COL28A1: variants seen among roughly 807,000 people sequenced by gnomAD.
COL28A1 encodes collagen type XXVIII alpha 1 chain.
Under a neutral mutation model 150.2 loss-of-function variants are expected in COL28A1, and 161 were observed. The observed-to-expected ratio is 1.07, with a 90% CI of 0.94 to 1.22. The LOEUF is 1.22. Among genes scored for constraint, COL28A1 ranks in the 50% most tolerant of loss-of-function variants. The pLI, the probability that COL28A1 is intolerant of heterozygous loss-of-function variation, is 0.00. For missense variants in COL28A1, 1,617 were observed against 1,388.3 expected, an observed-to-expected ratio of 1.16 and a Z score of -2.62; for synonymous variants, 552 against 469.7, an observed-to-expected ratio of 1.18 and a Z score of -2.26.
rs1780443674 is a variant in COL28A1, at chr7:7,358,396, G to GC, written c.*236_*237insG. Reference sequence around the variant, plus strand: ...GCTCTAAGTCTAAATCCTCAGCTCTGAAACTTTTTAGTTGGGTGACAGTTG... The same window carrying GC: ...GCTCTAAGTCTAAATCCTCAGCTCTGCAAACTTTTTAGTTGGGTGACAGTTG... On this transcript the variant is annotated 3_prime_UTR_variant, in exon 35 of 35. Transcript: ENST00000399429. The GC allele has an allele frequency of 2.4e-6, 1 of 413,046 alleles. No individual in the cohort carries two copies. Among genetic ancestry groups the GC allele is most frequent in the African/African-American group, 2.1e-5 (1 of 48,724 alleles). The allele number at this position is 413,046 out of a possible 1,614,324, so 25.6% of individuals were successfully genotyped here.
At chr7:7,403,889 C>T (rs932501691) in intron 27 of COL28A1, among the ~76,000 whole-genome samples, 4 of 152,068 alleles carry the variant, frequency 2.6e-5, no homozygotes, top group African/African-American at 7.2e-5. Context: ...TTCCAGGTCT[C>T]AGCTTTTAGA....
At chr7:7,444,623 G>A in intron 18 of COL28A1, 134 bp from the exon 19 acceptor site, 1 of 810,004 alleles carries the variant, frequency 1.2e-6, no homozygotes, top group South Asian at 2.0e-5. Flanking sequence ...TAAACTATTT[G>A]ATCTTGGGAA....
chr7:7,530,406 A>G (rs958721106), intron 3 of COL28A1, among the ~76,000 whole-genome samples: 19 of 152,242 alleles, frequency 1.2e-4, no homozygotes, highest in African/African-American at 4.6e-4. Context: ...AGACAAAAGG[A>G]GCAAAACAAT....
In COL28A1 at chr7:7,419,776, GA is replaced by G. The variant is rs58623143; in HGVS notation, c.2067+108del. On this transcript the variant is annotated intron_variant, in intron 26 of 34. Transcript: ENST00000399429. ...AATAAGACGTTTCATCAGTCACCAA[GA>G]AAAAAATAAGTCAACACCAAGACGA... The G allele has an allele frequency of 8.3e-3, 4,759 of 572,838 alleles. 193 individuals are homozygous for G. Among genetic ancestry groups the G allele is most frequent in the African/African-American group, 0.082 (4,235 of 51,922 alleles). 35.5% of individuals were successfully genotyped at this position (572,838 alleles called of 1,614,324 possible). A position where few individuals can be genotyped will look rare whatever the true frequency, so the allele number is the denominator to read the frequency against.
intron 11 of COL28A1, among the ~76,000 whole-genome samples, chr7:7,502,462 C>G (rs1780587076): frequency 6.6e-6 from 1 of 152,022 alleles, no homozygotes; most frequent in Non-Finnish European, 1.5e-5. Flanking sequence ...TTCTGAAAAC[C>G]CTTTAATGAA....
At chr7:7,416,303 G>A (rs983733330) in intron 27 of COL28A1, among the ~76,000 whole-genome samples, 1 of 152,210 alleles carries the variant, frequency 6.6e-6, no homozygotes, top group Non-Finnish European at 1.5e-5. Context: ...TAACCCTGAG[G>A]GCATAAGGAG....
chr7:7,397,934 T>C (rs79472260), intron 27 of COL28A1, among the ~76,000 whole-genome samples: 4 of 152,254 alleles, frequency 2.6e-5, no homozygotes, highest in Non-Finnish European at 5.9e-5. Context: ...TAATTGGTCC[T>C]GTCATGAGAA....
intron 13 of COL28A1, among the ~76,000 whole-genome samples, chr7:7,478,807 C>T (rs540400340): frequency 3.3e-4 from 51 of 152,364 alleles, no homozygotes; most frequent in Non-Finnish European, 5.6e-4. Flanking sequence ...TCTCACTGCC[C>T]GGGGCGGCAG....
intron 3 of COL28A1, among the ~76,000 whole-genome samples, chr7:7,526,749 C>G (rs1583574275): frequency 6.6e-6 from 1 of 152,060 alleles, no homozygotes; most frequent in African/African-American, 2.4e-5. Flanking sequence ...AATTCTCCTG[C>G]CTCAGCCTCT....
rs746230622 is a variant in COL28A1, at chr7:7,373,591, C to T, written c.2360-45G>A. Reference sequence around the variant, plus strand: ...AGAGAAAAATTGTGGGAATGATTGACATCAGATTGTTGAGGGGAGGGGAGA... The same window carrying T: ...AGAGAAAAATTGTGGGAATGATTGATATCAGATTGTTGAGGGGAGGGGAGA... On this transcript the variant is annotated intron_variant, in intron 31 of 34. Coordinates refer to ENST00000399429, the MANE Select transcript of COL28A1 (RefSeq NM_001037763.3). The surrounding 1 kb of genome is among the most constrained non-coding windows in gnomAD (Gnocchi z 4.1). The T allele has an allele frequency of 4.6e-6, 7 of 1,534,778 alleles. No homozygotes were observed. In the South Asian group the frequency reaches 7.0e-5, roughly 15 times the overall value.
chr7:7,486,743 G>A (rs928787359), intron 13 of COL28A1, among the ~76,000 whole-genome samples: 11 of 152,128 alleles, frequency 7.2e-5, no homozygotes, highest in Non-Finnish European at 1.6e-4. Flanking sequence ...GTATTCCATT[G>A]ATTAATTTTC....
chr7:7,432,662 T>TC lies in COL28A1; in HGVS notation c.1898dup (p.Leu634ThrfsTer4), dbSNP rs1482719343. 1.2e-6 allele frequency: 2 copies of TC among 1,613,858 alleles called. No homozygotes were observed. The highest frequency in any genetic ancestry group is 1.7e-6 in the Non-Finnish European group (2 of 1,180,008). On this transcript the variant is annotated frameshift_variant, in exon 24 of 35. Transcript: ENST00000399429. LOFTEE classifies it high-confidence loss of function. ...CACCAGGATAGCCATCACCTTTGAG[T>TC]CCTGGAGCACCCACTGGTCCCCGAG... is the stretch of plus-strand genomic sequence containing the variant.
chr7:7,511,147 A>T lies in COL28A1; in HGVS notation c.883-12T>A. 6.2e-7 allele frequency: 1 copy of T among 1,600,576 alleles called. No individual in the cohort carries two copies. Among genetic ancestry groups the T allele is most frequent in the South Asian group, 1.1e-5 (1 of 90,596 alleles). On this transcript the variant is annotated splice_polypyrimidine_tract_variant and intron_variant, in intron 8 of 34. Coordinates refer to ENST00000399429, the MANE Select transcript of COL28A1 (RefSeq NM_001037763.3). Reference sequence around the variant, plus strand: ...TCCCCACGTTCACCCTAAAAAATAAATAAGTGAAATAAATAAGAGAACACT... The same window carrying T: ...TCCCCACGTTCACCCTAAAAAATAATTAAGTGAAATAAATAAGAGAACACT...
At chr7:7,498,579 C>G (rs1286722778) in intron 11 of COL28A1, among the ~76,000 whole-genome samples, 3 of 152,002 alleles carry the variant, frequency 2.0e-5, no homozygotes, top group Non-Finnish European at 2.9e-5. Flanking sequence ...TATTTAATAC[C>G]ACTGAATTAC....
chr7:7,522,292 G>T (rs2115203878), intron 4 of COL28A1, among the ~76,000 whole-genome samples: 1 of 152,078 alleles, frequency 6.6e-6, no homozygotes, highest in South Asian at 2.1e-4. Flanking sequence ...CAGTTAAAAG[G>T]AGAAAATAAA....
chr7:7,459,628 G>T (rs957857649), intron 15 of COL28A1, among the ~76,000 whole-genome samples: 1 of 152,000 alleles, frequency 6.6e-6, no homozygotes, highest in Non-Finnish European at 1.5e-5. Context: ...GCTCTTTATG[G>T]CTGTATCAGC....
At chr7:7,361,856 A>AAC (rs1207127929) in intron 33 of COL28A1, among the ~76,000 whole-genome samples, 1 of 144,796 alleles carries the variant, frequency 6.9e-6, no homozygotes, top group Non-Finnish European at 1.5e-5. Context: ...GCAGCCATAA[A>AAC]AACATGAGTT....
chr7:7,497,102 G>A (rs545301203), intron 11 of COL28A1, among the ~76,000 whole-genome samples: 4 of 143,034 alleles, frequency 2.8e-5, no homozygotes, highest in Non-Finnish European at 4.5e-5. Context: ...AGAAAGGAAG[G>A]AAGGAAGGAA....
rs141161912 is a variant in COL28A1 at position 7,398,010 on chromosome 7, C to G, written c.2137-16398G>C. Among the ~76,000 whole-genome samples the G allele has an allele frequency of 6.0e-4, 91 of 152,264 alleles. 1 individual carries two copies. The highest frequency in any genetic ancestry group is 1.1e-3 in the Non-Finnish European group (74 of 68,020). On this transcript the variant is annotated intron_variant, in intron 27 of 34. Coordinates refer to ENST00000399429, the MANE Select transcript of COL28A1 (RefSeq NM_001037763.3). ...TGCTTTAAAATATATTGAATTGGAC[C>G]TTTGACCAATCTTTTAGTAAAAGTG...
Sources: allele counts gnomAD v4.1 joint callset (sites outside exome capture counted in the v4.1 genomes callset), GRCh38; gene constraint gnomAD v4.1.1; non-coding constraint Gnocchi (gnomAD v3.1); transcripts MANE v1.5; gene names NCBI Gene and HGNC (gene_info 2026-07-23, HGNC 2026-07-21).